ST6GALNAC6: variants seen among roughly 807,000 people sequenced by gnomAD.
The protein encoded by ST6GALNAC6 is alpha-N-acetylgalactosaminide alpha-2,6-sialyltransferase 6.
Under a neutral mutation model 34.3 loss-of-function variants are expected in ST6GALNAC6, and 19 were observed. The ratio of observed to expected loss-of-function variants is 0.55; its 90% confidence interval spans 0.39 to 0.81. The LOEUF (loss-of-function observed/expected upper bound fraction) is 0.81. ST6GALNAC6 is among the 40% of genes least tolerant of loss of function. The probability of loss-of-function intolerance (pLI) is 0.00; values close to 1 mark genes in which losing one functional copy is unlikely to be tolerated. For missense variants in ST6GALNAC6, 377 were observed against 467.7 expected (o/e 0.81, Z 1.79); for synonymous variants, 185 against 182.1 (o/e 1.02, Z -0.13).
intron 5 of ST6GALNAC6, among the ~76,000 whole-genome samples, chr9:127,888,504 C>CA (rs143037868): frequency 0.085 from 5,057 of 59,438 alleles, 297 homozygotes; most frequent in African/African-American, 0.22. Flanking sequence ...ACTCCTTCTC[C>CA]AAAAAAAAAA....
Position 127,899,484 on chromosome 9 carries a change from C to T in ST6GALNAC6, c.-30+19G>A, listed in dbSNP as rs1830666971. On this transcript the variant is annotated intron_variant, in intron 1 of 6. Transcript: ENST00000373146. ...CCGCCCCCGCCCCCGCGGCCTGCTC[C>T]CGCGCGGCGCCTGCTCACCTCCGGC... The T allele has an allele frequency of 1.0e-6, 1 of 971,620 alleles. No homozygotes were observed. The highest frequency in any genetic ancestry group is 1.2e-6 in the Non-Finnish European group (1 of 818,552). 60.2% of individuals were successfully genotyped at this position (971,620 alleles called of 1,614,324 possible). A position where few individuals can be genotyped will look rare whatever the true frequency, so the allele number is the denominator to read the frequency against.
upstream of ST6GALNAC6, among the ~76,000 whole-genome samples, chr9:127,900,681 A>C (rs1360819966): frequency 3.3e-5 from 5 of 151,410 alleles, no homozygotes; most frequent in Admixed American, 2.0e-4. Flanking sequence ...ACTGCCAGCC[A>C]GGCCCAGTGG....
In ST6GALNAC6 at chr9:127,897,122, A is replaced by G. The variant is rs1375711797; in HGVS notation, c.27-790T>C. The stretch of plus-strand genomic sequence containing the variant: ...GCCTTTGGAAGACCTGGCAGTGAGG[A>G]GGCCGGCCCAGCTCTGCTCCGCACA... On this transcript the variant is annotated intron_variant, in intron 2 of 6. Transcript: ENST00000373146. The G allele has an allele frequency of 6.2e-6, 6 of 965,128 alleles. No individual in the cohort carries two copies. In the Admixed American group the frequency reaches 2.5e-4, roughly 40 times the overall value. The allele number at this position is 965,128 out of a possible 1,614,324, so 59.8% of individuals were successfully genotyped here. A position where few individuals can be genotyped will look rare whatever the true frequency, so the allele number is the denominator to read the frequency against.
upstream of ST6GALNAC6, chr9:127,905,907 C>T (rs959870650): frequency 1.9e-5 from 19 of 983,256 alleles, no homozygotes; most frequent in Middle Eastern, 5.2e-4. Flanking sequence ...CCTCCACCTC[C>T]GCCTACCAGA....
In ST6GALNAC6 at chr9:127,896,266, G is replaced by A; in HGVS notation, c.93C>T (p.Arg31=). 3 of 1,614,158 alleles carry A rather than the reference G, an allele frequency of 1.9e-6. No homozygotes were observed. The highest frequency in any genetic ancestry group is 2.5e-6 in the Non-Finnish European group (3 of 1,180,008). The change falls in exon 3 of 7, where the codon CGC becomes CGT. Residue 31 remains arginine, a synonymous_variant. Transcript: ENST00000373146. ...CTTTGTTGCTACTCATTTCTCTCCG[G>A]CGTCTGCTGAGGGGTAGGTGTCGGC... ...AGRRHLPLSR[R]RREMSSNKEQ...
intron 2 of ST6GALNAC6, chr9:127,897,171 A>G: frequency 1.0e-6 from 1 of 985,148 alleles, no homozygotes; most frequent in African/African-American, 1.7e-5. Context: ...CTCTCCCACA[A>G]CCAAAACCCA....
intron 5 of ST6GALNAC6, among the ~76,000 whole-genome samples, chr9:127,887,934 A>G (rs1255512968): frequency 6.6e-6 from 1 of 152,226 alleles, no homozygotes; most frequent in Non-Finnish European, 1.5e-5. Flanking sequence ...CCATGCTAGA[A>G]GCAAACTCCT....
At position 127,890,202 on chromosome 9, in the gene ST6GALNAC6, A is replaced by G. The variant is rs991433041; in HGVS notation, c.704+435T>C. 1.3e-5 allele frequency among the ~76,000 whole-genome samples: 2 copies of G among 152,226 alleles called. No individual in the cohort carries two copies. Among genetic ancestry groups the G allele is most frequent in the African/African-American group, 4.8e-5 (2 of 41,460 alleles). ...CCTAGCTTTCCTAGGGAGATTAGTCACAGCAGGGCATGCTGGGAGTGATGC... is the reference window on the plus strand; with the variant it reads ...CCTAGCTTTCCTAGGGAGATTAGTCGCAGCAGGGCATGCTGGGAGTGATGC... On this transcript the variant is annotated intron_variant, in intron 5 of 6. Coordinates refer to ENST00000373146, the MANE Select transcript of ST6GALNAC6 (RefSeq NM_013443.5). This position sits in a 1 kb window ranked among gnomAD's most constrained non-coding sequence, Gnocchi z 4.3.
chr9:127,889,243 G>A (rs750098800), intron 5 of ST6GALNAC6, among the ~76,000 whole-genome samples: 2 of 151,702 alleles, frequency 1.3e-5, no homozygotes, highest in Non-Finnish European at 2.9e-5. Flanking sequence ...AGCTACTTGG[G>A]AGGCTGAGGC....
At chr9:127,889,678 C>T (rs886560581) in intron 5 of ST6GALNAC6, among the ~76,000 whole-genome samples, 1 of 152,096 alleles carries the variant, frequency 6.6e-6, no homozygotes, top group Non-Finnish European at 1.5e-5. Context: ...CTCCTGACCT[C>T]GTGATCCGTC....
chr9:127,906,190 T>G (rs1334037668), upstream of ST6GALNAC6, among the ~76,000 whole-genome samples: 1 of 151,846 alleles, frequency 6.6e-6, no homozygotes, highest in Non-Finnish European at 1.5e-5. Context: ...CCGGGACTAC[T>G]GGCTACATAA....
upstream of ST6GALNAC6, chr9:127,905,866 T>C: frequency 1.1e-6 from 1 of 894,236 alleles, no homozygotes; most frequent in Non-Finnish European, 1.3e-6. Flanking sequence ...AGGCCTTGAC[T>C]CCAGGGCCCT....
intron 3 of ST6GALNAC6, among the ~76,000 whole-genome samples, chr9:127,894,978 G>T (rs1020972683): frequency 1.3e-5 from 2 of 152,192 alleles, no homozygotes; most frequent in African/African-American, 2.4e-5. Context: ...AACATGGAAG[G>T]TTCTCCGGGA....
At chr9:127,905,908 G>A (rs542872943), upstream of ST6GALNAC6, 70 of 982,812 alleles carry the variant, frequency 7.1e-5, no homozygotes, top group Non-Finnish European at 8.3e-5. Flanking sequence ...CTCCACCTCC[G>A]CCTACCAGAC....
At position 127,887,519 on chromosome 9, in the gene ST6GALNAC6, C is replaced by A; in HGVS notation, c.777G>T (p.Val259=). 1 of 1,612,824 alleles carries A rather than the reference C, an allele frequency of 6.2e-7. No individual in the cohort carries two copies. Among genetic ancestry groups the A allele is most frequent in the African/African-American group, 1.3e-5 (1 of 75,000 alleles). The part of the protein sequence containing the change: ...MVIAVELCDH[V]HVYGMVPPNY... Reference sequence around the variant, plus strand: ...TGGGGGGGACCATGCCATAGACATGCACGTGGTCACACAACTCCACCGCGA... The same window carrying A: ...TGGGGGGGACCATGCCATAGACATGAACGTGGTCACACAACTCCACCGCGA... Residue 259 remains valine, a synonymous_variant, in exon 6 of 7, where the codon GTG becomes GTT. Transcript: ENST00000373146.
chr9:127,897,434 T>A (rs1040857844), intron 2 of ST6GALNAC6: 3 of 987,032 alleles, frequency 3.0e-6, no homozygotes, highest in Non-Finnish European at 3.6e-6. Flanking sequence ...AGAGGAGGCT[T>A]GGCACACACA....
chr9:127,895,437 C>A (rs115872851), intron 3 of ST6GALNAC6, among the ~76,000 whole-genome samples: 1,899 of 152,296 alleles, frequency 0.012, 45 homozygotes, highest in African/African-American at 0.043. Context: ...TACACTCAAC[C>A]ACCTGCAGCA....
chr9:127,901,629 A>G (rs762357378), upstream of ST6GALNAC6, among the ~76,000 whole-genome samples: 3 of 151,092 alleles, frequency 2.0e-5, no homozygotes, highest in Non-Finnish European at 4.4e-5. Flanking sequence ...AAATAAAATA[A>G]AATAAAATAA....
chr9:127,886,921 C>G (rs1244307841), intron 6 of ST6GALNAC6, 133 bp from the exon 7 acceptor site: 1 of 911,412 alleles, frequency 1.1e-6, no homozygotes, highest in East Asian at 2.8e-5. Flanking sequence ...GTTTCCCCAT[C>G]CATAAAATGG....
Sources: gnomAD v4.1 joint callset for allele counts (sites outside exome capture counted in the v4.1 genomes callset) on GRCh38, gnomAD v4.1.1 for gene constraint, Gnocchi (gnomAD v3.1) non-coding constraint, MANE v1.5 for transcripts, NCBI Gene and HGNC (gene_info 2026-07-23, HGNC 2026-07-21) for gene names.